Variants in SPATA6 observed in about 807,000 individuals in gnomAD.
The protein encoded by SPATA6 is spermatogenesis associated 6, also known as spermatogenesis-associated protein 6.
A neutral mutation model predicts 65.3 loss-of-function variants in SPATA6; 56 were observed. The observed-to-expected ratio is 0.86, with a 90% CI of 0.69 to 1.07. The LOEUF (loss-of-function observed/expected upper bound fraction) is 1.07. SPATA6 is among the 50% of genes least tolerant of loss of function. The pLI is 0.00. For missense variants in SPATA6, 590 were observed against 594.8 expected (o/e 0.99, Z 0.08); for synonymous variants, 199 against 213.2 (o/e 0.93, Z 0.58).
intron 9 of SPATA6, among the ~76,000 whole-genome samples, chr1:48,377,839 T>C (rs764389080): frequency 2.0e-5 from 3 of 152,310 alleles, no homozygotes; most frequent in East Asian, 1.9e-4. Flanking sequence ...CAGAGTAAAA[T>C]TGTTGCTAAG....
intron 11 of SPATA6, chr1:48,325,275 T>G: frequency 2.3e-5 from 21 of 932,770 alleles, no homozygotes; most frequent in Non-Finnish European, 3.3e-5. Context: ...AAGCCACCAA[T>G]GAGTGCTGTC....
chr1:48,342,473 G>A lies in SPATA6; in HGVS notation c.1194+13197C>T, dbSNP rs148402348. On this transcript the variant is annotated intron_variant, in intron 11 of 12. Coordinates refer to ENST00000371847, the MANE Select transcript of SPATA6 (RefSeq NM_019073.4). ...TATTAAAAATACAAAATAATTAGTC[G>A]GACGTGGTGGCCCGCCCCTGTAGTC... 5.2e-3 allele frequency among the ~76,000 whole-genome samples: 795 copies of A among 151,878 alleles called. 18 individuals carry two copies. The highest frequency in any genetic ancestry group is 0.05 in the South Asian group (238 of 4,794).
At chr1:48,433,258 T>A (rs1212556598) in intron 3 of SPATA6, among the ~76,000 whole-genome samples, 3 of 152,154 alleles carry the variant, frequency 2.0e-5, no homozygotes, top group Admixed American at 6.5e-5. Context: ...CTAAACTGTA[T>A]ACTTAAAATG....
intron 11 of SPATA6, chr1:48,325,139 T>C: frequency 1.8e-6 from 1 of 548,994 alleles, no homozygotes; most frequent in East Asian, 3.1e-5. Flanking sequence ...ATACTTATTC[T>C]TCTTGGGTTC....
intron 6 of SPATA6, among the ~76,000 whole-genome samples, chr1:48,401,629 T>C (rs1054430246): frequency 6.6e-6 from 1 of 152,144 alleles, no homozygotes; most frequent in Non-Finnish European, 1.5e-5. Flanking sequence ...CTTAGCCTGA[T>C]AGATGATGGG....
chr1:48,327,292 TGA>T (rs1262064159), intron 11 of SPATA6, among the ~76,000 whole-genome samples: 3 of 152,196 alleles, frequency 2.0e-5, no homozygotes, highest in Admixed American at 6.5e-5. Context: ...AAAACCACAA[TGA>T]GATATCATCT....
intron 9 of SPATA6, among the ~76,000 whole-genome samples, chr1:48,372,371 C>G (rs1156236945): frequency 1.3e-5 from 2 of 152,192 alleles, no homozygotes; most frequent in South Asian, 2.1e-4. Flanking sequence ...AAGCTTAAAG[C>G]TCCAAAATGA....
At chr1:48,280,882 A>T in the SPATA6 span, among the ~76,000 whole-genome samples, 2 of 152,186 alleles carry the variant, frequency 1.3e-5, no homozygotes, top group East Asian at 1.9e-4. Context: ...CACAACCAAA[A>T]AAGAGAATTT....
chr1:48,320,318 A>G (rs186740450), intron 11 of SPATA6, among the ~76,000 whole-genome samples: 2 of 152,330 alleles, frequency 1.3e-5, no homozygotes, highest in East Asian at 1.9e-4. Context: ...ACATTTTACA[A>G]TCCAACTGCC....
chr1:48,347,525 A>G (rs1646403890), intron 11 of SPATA6, among the ~76,000 whole-genome samples: 1 of 140,512 alleles, frequency 7.1e-6, no homozygotes, highest in Admixed American at 7.0e-5. Context: ...AATGTATTAA[A>G]TTAATTATAG....
chr1:48,279,690 G>T, the SPATA6 span, among the ~76,000 whole-genome samples: 5 of 152,056 alleles, frequency 3.3e-5, no homozygotes, highest in Admixed American at 6.6e-5. Context: ...AGCAAGTCCT[G>T]AGTGACCTAC....
intron 9 of SPATA6, among the ~76,000 whole-genome samples, chr1:48,365,046 T>A (rs1330645700): frequency 6.6e-6 from 1 of 152,242 alleles, no homozygotes; most frequent in Non-Finnish European, 1.5e-5. Context: ...CACCCTTTAT[T>A]AAATAGGGAA....
At chr1:48,292,247 G>C (rs1444731560), downstream of SPATA6, among the ~76,000 whole-genome samples, 3 of 152,204 alleles carry the variant, frequency 2.0e-5, no homozygotes, top group African/African-American at 7.2e-5. Context: ...CTGTGACACT[G>C]AGTCTAATGG....
At chr1:48,285,767 C>G in the SPATA6 span, among the ~76,000 whole-genome samples, 1 of 152,144 alleles carries the variant, frequency 6.6e-6, no homozygotes, top group Non-Finnish European at 1.5e-5. Context: ...GCAGGCTGCA[C>G]CCATTATCTA....
chr1:48,362,758 G>A (rs934225627), intron 9 of SPATA6, among the ~76,000 whole-genome samples: 1 of 152,038 alleles, frequency 6.6e-6, no homozygotes, highest in Non-Finnish European at 1.5e-5. Flanking sequence ...GAGGAAAGGA[G>A]GAGAAAAGCC....
intron 3 of SPATA6, among the ~76,000 whole-genome samples, chr1:48,421,689 A>G (rs1436800063): frequency 6.6e-6 from 1 of 152,166 alleles, no homozygotes; most frequent in Admixed American, 6.5e-5. Flanking sequence ...AGAGAAAAAA[A>G]GAAAACAAAT....
At chr1:48,277,486 C>A in the SPATA6 span, among the ~76,000 whole-genome samples, 3 of 152,240 alleles carry the variant, frequency 2.0e-5, no homozygotes, top group South Asian at 6.2e-4. Context: ...CAATACTGCG[C>A]TTTTCCGACG....
At chr1:48,441,236 C>CGGGTA (rs1477300933) in intron 3 of SPATA6, among the ~76,000 whole-genome samples, 14 of 152,164 alleles carry the variant, frequency 9.2e-5, no homozygotes, top group Non-Finnish European at 1.5e-5. Context: ...CACTGAGCCC[C>CGGGTA]GGGTATGTTT....
chr1:48,453,107 T>A lies in SPATA6; in HGVS notation c.76A>T (p.Lys26Ter). The change falls in exon 2 of 13, where the codon AAA (lysine) becomes TAA (stop). Residue 26 changes from lysine to a stop codon, truncating the protein, a stop_gained. Transcript: ENST00000371847. LOFTEE classifies it high-confidence loss of function. ...SSVTCPGVVL[K>*]DKEDIYLSIC... ...CTAAGATAGATGTCCTCTTTGTCTTTAAGCACGACTCCTGGGCAAGTTACC... is the reference window on the plus strand; with the variant it reads ...CTAAGATAGATGTCCTCTTTGTCTTAAAGCACGACTCCTGGGCAAGTTACC... The A allele has an allele frequency of 6.2e-7, 1 of 1,613,112 alleles. No homozygotes were observed. The highest frequency in any genetic ancestry group is 1.3e-5 in the African/African-American group (1 of 74,984).
Sources: gnomAD v4.1 joint callset for allele counts (sites outside exome capture counted in the v4.1 genomes callset) on GRCh38, gnomAD v4.1.1 for gene constraint, MANE v1.5 for transcripts, NCBI Gene and HGNC (gene_info 2026-07-23, HGNC 2026-07-21) for gene names.